Variants in SRGAP2C observed in about 807,000 individuals in gnomAD.
SRGAP2C encodes SLIT-ROBO Rho GTPase-activating protein 2C.
Under a neutral mutation model 25.1 loss-of-function variants are expected in SRGAP2C, and 15 were observed. The observed-to-expected ratio is 0.60, with a 90% confidence interval of 0.40 to 0.92. SRGAP2C has a LOEUF of 0.92. SRGAP2C is among the 40% of genes least tolerant of loss of function. The pLI is 0.00. For synonymous variants in SRGAP2C, 44 were observed against 96.6 expected (o/e 0.46, Z 3.19); for missense variants, 144 against 264.4 (o/e 0.54, Z 3.16).
At chr1:121,228,899 G>A (rs1174525862) in intron 2 of SRGAP2C, among the ~76,000 whole-genome samples, 10 of 151,808 alleles carry the variant, frequency 6.6e-5, no homozygotes, top group Non-Finnish European at 1.2e-4. Flanking sequence ...CCAGGGAGAG[G>A]GAGCCTCCAT....
intron 7 of SRGAP2C, among the ~76,000 whole-genome samples, chr1:121,375,252 G>A (rs1249298025): frequency 5.6e-5 from 8 of 142,692 alleles, no homozygotes; most frequent in Non-Finnish European, 1.1e-4. Context: ...TTTGCACCTA[G>A]GCCTGATGAC....
intron 2 of SRGAP2C, among the ~76,000 whole-genome samples, chr1:121,270,794 GTT>G (rs782106985): frequency 1.5e-5 from 2 of 130,350 alleles, no homozygotes; most frequent in Admixed American, 1.5e-4. Context: ...AGATAAGGAG[GTT>G]TTTTTTTTTT....
At chr1:121,223,336 A>T in intron 2 of SRGAP2C, among the ~76,000 whole-genome samples, 2 of 110,306 alleles carry the variant, frequency 1.8e-5, no homozygotes, top group Non-Finnish European at 3.7e-5. Flanking sequence ...ATTATTTTTT[A>T]ATGCTGGGAG....
chr1:121,313,897 A>G (rs1270467321), intron 3 of SRGAP2C, among the ~76,000 whole-genome samples: 1 of 135,320 alleles, frequency 7.4e-6, no homozygotes, highest in Non-Finnish European at 1.6e-5. Flanking sequence ...TCTGACAGTT[A>G]TGTGTCTTCG....
At chr1:121,336,002 AGTGGGT>A (rs1488644528) in intron 4 of SRGAP2C, among the ~76,000 whole-genome samples, 1 of 151,050 alleles carries the variant, frequency 6.6e-6, no homozygotes, top group Non-Finnish European at 1.5e-5. Flanking sequence ...ACTTCATTAC[AGTGGGT>A]ATATTTTGGT....
chr1:121,235,141 G>A (rs1655923825), intron 2 of SRGAP2C, among the ~76,000 whole-genome samples: 1 of 144,360 alleles, frequency 6.9e-6, no homozygotes, highest in East Asian at 2.0e-4. Context: ...CCATTCTCCA[G>A]CTTCAGCTCC....
chr1:121,329,148 T>A (rs1335378934), intron 4 of SRGAP2C, among the ~76,000 whole-genome samples: 1 of 146,544 alleles, frequency 6.8e-6, no homozygotes, highest in African/African-American at 2.5e-5. Context: ...GAAGTGGAGG[T>A]TGCAGTGAGC....
intron 7 of SRGAP2C, among the ~76,000 whole-genome samples, chr1:121,375,434 C>G (rs587626907): frequency 4.7e-5 from 7 of 148,916 alleles, no homozygotes; most frequent in African/African-American, 1.5e-4. Context: ...AGCAATTGTC[C>G]TACCTCAGCC....
chr1:121,283,885 G>A (rs1479234939), intron 2 of SRGAP2C, among the ~76,000 whole-genome samples: 1 of 148,824 alleles, frequency 6.7e-6, no homozygotes, highest in African/African-American at 2.5e-5. Flanking sequence ...AAATCTGTTT[G>A]CATCTATAGC....
chr1:121,189,096 CT>C (rs1172103186), intron 2 of SRGAP2C, among the ~76,000 whole-genome samples: 473 of 29,058 alleles, frequency 0.016, 8 homozygotes, highest in Middle Eastern at 0.029. Context: ...CCAGATATGT[CT>C]TTTTTTTTTT....
rs587664583 is a variant in SRGAP2C, at chr1:121,374,621, G to A, written c.703-205G>A. ...AATCAAAGCGGGGCACGCATCTTAAGTAGGGAGCCTCATTAACCTTTCCTG... is the reference window on the plus strand; with the variant it reads ...AATCAAAGCGGGGCACGCATCTTAAATAGGGAGCCTCATTAACCTTTCCTG... On this transcript the variant is annotated intron_variant, in intron 6 of 9. Transcript: ENST00000367123. Among the ~76,000 whole-genome samples the A allele has an allele frequency of 2.4e-4, 37 of 152,286 alleles. No homozygotes were observed. The East Asian group carries it at 6.2e-3, about 25-fold the overall frequency.
At chr1:121,337,647 A>C (rs1658546878) in intron 4 of SRGAP2C, among the ~76,000 whole-genome samples, 1 of 149,090 alleles carries the variant, frequency 6.7e-6, no homozygotes, top group African/African-American at 2.5e-5. Flanking sequence ...ATAAATAAAT[A>C]AATAAATAAA....
At chr1:121,270,059 G>A (rs1342742343) in intron 2 of SRGAP2C, among the ~76,000 whole-genome samples, 4 of 145,234 alleles carry the variant, frequency 2.8e-5, no homozygotes, top group African/African-American at 5.1e-5. Context: ...TTCTTTGATC[G>A]TGGCTTTCCT....
chr1:121,346,974 G>A (rs587751077), intron 4 of SRGAP2C, among the ~76,000 whole-genome samples: 1 of 152,088 alleles, frequency 6.6e-6, no homozygotes, highest in Non-Finnish European at 1.5e-5. Context: ...TGTTTGGCTT[G>A]GTGTCCACAA....
intron 2 of SRGAP2C, among the ~76,000 whole-genome samples, chr1:121,206,400 C>G (rs1252788856): frequency 6.6e-6 from 1 of 152,126 alleles, no homozygotes; most frequent in African/African-American, 2.4e-5. Flanking sequence ...GGAGTAAGAT[C>G]GAAGTGGATA....
intron 2 of SRGAP2C, among the ~76,000 whole-genome samples, chr1:121,271,477 C>CA (rs1656958320): frequency 1.3e-5 from 2 of 151,880 alleles, no homozygotes; most frequent in African/African-American, 4.8e-5. Flanking sequence ...TCTTTTACAG[C>CA]AATAAGTGAA....
intron 3 of SRGAP2C, among the ~76,000 whole-genome samples, chr1:121,295,740 G>A (rs1467342313): frequency 6.7e-6 from 1 of 149,332 alleles, no homozygotes; most frequent in Non-Finnish European, 1.5e-5. Context: ...TGTTTTTGTT[G>A]TTGTTGTTGT....
At chr1:121,314,436 A>G (rs1192150685) in intron 3 of SRGAP2C, among the ~76,000 whole-genome samples, 7 of 152,332 alleles carry the variant, frequency 4.6e-5, no homozygotes, top group African/African-American at 1.4e-4. Flanking sequence ...CGTCAAAATC[A>G]TTCTCCATCC....
intron 3 of SRGAP2C, among the ~76,000 whole-genome samples, chr1:121,285,404 T>TACA (rs1657338851): frequency 8.0e-6 from 1 of 124,492 alleles, no homozygotes. Flanking sequence ...TCTCTCTCTC[T>TACA]CACACACACA....
Sources: gnomAD v4.1 joint callset for allele counts (sites outside exome capture counted in the v4.1 genomes callset) on GRCh38, gnomAD v4.1.1 for gene constraint, MANE v1.5 for transcripts, NCBI Gene and HGNC (gene_info 2026-07-23, HGNC 2026-07-21) for gene names.